KANK4: variants seen among roughly 807,000 people sequenced by gnomAD.
KANK4 encodes KN motif and ankyrin repeat domain-containing protein 4.
Under a neutral mutation model 80.8 loss-of-function variants are expected in KANK4, and 50 were observed. That is an observed-to-expected ratio of 0.62 (90% CI 0.49 to 0.78). The LOEUF (loss-of-function observed/expected upper bound fraction) is 0.78. Ranked by LOEUF, KANK4 falls within the 30% of genes least tolerant of loss-of-function variation. The pLI is 0.00. For synonymous variants in KANK4, 465 were observed against 506.9 expected, an observed-to-expected ratio of 0.92 and a Z score of 1.11; for missense variants, 1,196 against 1,240.1, an observed-to-expected ratio of 0.96 and a Z score of 0.53.
At chr1:62,311,087 A>G (rs896131905) in intron 1 of KANK4, among the ~76,000 whole-genome samples, 1 of 152,132 alleles carries the variant, frequency 6.6e-6, no homozygotes, top group Non-Finnish European at 1.5e-5. Flanking sequence ...ATTGGGGAAG[A>G]TGAGGATGGA....
intron 1 of KANK4, among the ~76,000 whole-genome samples, chr1:62,296,784 C>A (rs1356219364): frequency 6.6e-6 from 1 of 151,988 alleles, no homozygotes; most frequent in Non-Finnish European, 1.5e-5. Flanking sequence ...AAGTGATCTA[C>A]CCGCCTTGGC....
In KANK4 at chr1:62,273,327, C is replaced by T. The variant is rs1437448731; in HGVS notation, c.1777G>A (p.Ala593Thr). ...PELASAIKQP[A>T]SKLSSIQSQL... ...CTCTGGATGCTGCTGAGCTTGGAGG[C>T]TGGCTGCTTGATGGCGCTGGCCAGC... is the stretch of plus-strand genomic sequence containing the variant. Residue 593 changes from alanine to threonine, a missense_variant, in exon 3 of 10, where the codon GCC (alanine) becomes ACC (threonine). Coordinates refer to ENST00000371153, the MANE Select transcript of KANK4 (RefSeq NM_181712.5). The T allele has an allele frequency of 2.5e-6, 4 of 1,607,764 alleles. No homozygotes were observed. The highest frequency in any genetic ancestry group is 3.4e-6 in the Non-Finnish European group (4 of 1,175,394).
intron 4 of KANK4, among the ~76,000 whole-genome samples, chr1:62,271,065 C>T (rs1315682173): frequency 9.2e-5 from 14 of 152,088 alleles, no homozygotes; most frequent in Non-Finnish European, 1.6e-4. Context: ...TCTTCATCCC[C>T]AAACACTTGG....
At chr1:62,289,849 T>G (rs1347177178) in intron 1 of KANK4, among the ~76,000 whole-genome samples, 2 of 152,224 alleles carry the variant, frequency 1.3e-5, no homozygotes, top group African/African-American at 4.8e-5. Flanking sequence ...TATAGTGGAC[T>G]TGTAGCCTGG....
rs752783751 is a variant in KANK4 at position 62,238,304 on chromosome 1, C to T, written c.2961G>A (p.Ala987=). 3.1e-5 allele frequency: 50 copies of T among 1,613,770 alleles called. No individual in the cohort carries two copies. Among genetic ancestry groups the T allele is most frequent in the Middle Eastern group, 1.6e-4 (1 of 6,072 alleles). ...ACAGCCCCAGGGACCTGCCCTGCTC[C>T]GCGTGGGCTCTCAGAAGCCCAGCAA... is the stretch of plus-strand genomic sequence containing the variant. ...MEIAGLLRAH[A]EQGRSLGL The change falls in exon 10 of 10, where the codon GCG becomes GCA. Residue 987 remains alanine, a synonymous_variant. Coordinates refer to ENST00000371153, the MANE Select transcript of KANK4 (RefSeq NM_181712.5).
chr1:62,283,111 A>G (rs1672486899), intron 1 of KANK4, among the ~76,000 whole-genome samples: 1 of 152,176 alleles, frequency 6.6e-6, no homozygotes, highest in Non-Finnish European at 1.5e-5. Context: ...CCAGCTCTGC[A>G]GTCTGCAGCA....
chr1:62,249,091 G>A (rs1200275837), intron 8 of KANK4, among the ~76,000 whole-genome samples: 1 of 149,156 alleles, frequency 6.7e-6, no homozygotes, highest in East Asian at 2.0e-4. Flanking sequence ...CTTGAACCCG[G>A]GAGGCAGAGG....
rs373522499 is a variant in KANK4, at chr1:62,242,057, G to A, written c.2884-3676C>T. 2.6e-5 allele frequency among the ~76,000 whole-genome samples: 4 copies of A among 152,130 alleles called. No homozygotes were observed. The East Asian group carries it at 7.7e-4, about 29-fold the overall frequency. On this transcript the variant is annotated intron_variant, in intron 9 of 9. Transcript: ENST00000371153. ...GCCTCTGCCAGAACTCTGGGAACAAGCCCATGCCATGCAGCTCCCATGGGA... is the reference window on the plus strand; with the variant it reads ...GCCTCTGCCAGAACTCTGGGAACAAACCCATGCCATGCAGCTCCCATGGGA...
intron 7 of KANK4, among the ~76,000 whole-genome samples, chr1:62,255,441 C>G (rs944169043): frequency 6.6e-6 from 1 of 151,860 alleles, no homozygotes; most frequent in Non-Finnish European, 1.5e-5. Flanking sequence ...TAGGGTCTTG[C>G]TCTGTTGCCC....
At position 62,273,511 on chromosome 1, in the gene KANK4, G is replaced by A; in HGVS notation, c.1593C>T (p.Pro531=). Residue 531 remains proline, a synonymous_variant, in exon 3 of 10, where the codon CCC becomes CCT. Coordinates refer to ENST00000371153, the MANE Select transcript of KANK4 (RefSeq NM_181712.5). ...AACTGGTCTCCTCCCTCCCTGCTGGGGGAGTCTTTCTGTCGCTGCCCCACA... is the reference window on the plus strand; with the variant it reads ...AACTGGTCTCCTCCCTCCCTGCTGGAGGAGTCTTTCTGTCGCTGCCCCACA... ...GFLWGSDRKT[P]PAGREETSSN... is the part of the protein sequence containing the mutation. 6.2e-7 allele frequency: 1 copy of A among 1,613,680 alleles called. No homozygotes were observed. Among genetic ancestry groups the A allele is most frequent in the Non-Finnish European group, 8.5e-7 (1 of 1,179,702 alleles).
At chr1:62,252,283 G>A (rs1359333704) in intron 8 of KANK4, among the ~76,000 whole-genome samples, 1 of 152,244 alleles carries the variant, frequency 6.6e-6, no homozygotes, top group Admixed American at 6.5e-5. Context: ...CATTTGTGTA[G>A]GGCCCTACTG....
In KANK4 at chr1:62,308,527, T is replaced by C. The variant is rs544194008; in HGVS notation, c.-71+10579A>G. On this transcript the variant is annotated intron_variant, in intron 1 of 9. Coordinates refer to ENST00000371153, the MANE Select transcript of KANK4 (RefSeq NM_181712.5). ...CTCCTGATCTCTCTCCTGGTCCAGG[T>C]TGGAGAGAACTATCCTGGTCTCAGG... Among the ~76,000 whole-genome samples, 394 of 152,176 alleles carry C rather than the reference T, an allele frequency of 2.6e-3. 1 individual carries two copies. Among genetic ancestry groups the C allele is most frequent in the Non-Finnish European group, 4.3e-3 (293 of 67,980 alleles).
chr1:62,302,701 C>T lies in KANK4; in HGVS notation c.-71+16405G>A, dbSNP rs564997566. Among the ~76,000 whole-genome samples, 137 of 152,216 alleles carry T rather than the reference C, an allele frequency of 9.0e-4. 1 individual carries two copies. Among genetic ancestry groups the T allele is most frequent in the African/African-American group, 3.0e-3 (126 of 41,574 alleles). On this transcript the variant is annotated intron_variant, in intron 1 of 9. Coordinates refer to ENST00000371153, the MANE Select transcript of KANK4 (RefSeq NM_181712.5). ...ACCAGGAAGAGGGTTGTCCCCCAGA[C>T]GTGGAATCTGCCAGCGCTTTGACCC...
At chr1:62,316,629 T>A (rs1356335568) in intron 1 of KANK4, among the ~76,000 whole-genome samples, 2 of 152,198 alleles carry the variant, frequency 1.3e-5, no homozygotes, top group Non-Finnish European at 2.9e-5. Context: ...TGTAATATTG[T>A]ATGCAAGATA....
chr1:62,314,631 C>T (rs763986159), intron 1 of KANK4, among the ~76,000 whole-genome samples: 1 of 149,702 alleles, frequency 6.7e-6, no homozygotes, highest in Non-Finnish European at 1.5e-5. Flanking sequence ...ATTAGAAATA[C>T]ATACCAAAGG....
At chr1:62,248,563 G>C (rs1387173371) in intron 8 of KANK4, among the ~76,000 whole-genome samples, 1 of 141,402 alleles carries the variant, frequency 7.1e-6, no homozygotes, top group Non-Finnish European at 1.5e-5. Context: ...TTTTTTTTGT[G>C]AGACAAAGTC....
Position 62,237,233 on chromosome 1 carries a change from T to C in KANK4, c.*1044A>G, listed in dbSNP as rs1671225394. On this transcript the variant is annotated 3_prime_UTR_variant, in exon 10 of 10. Coordinates refer to ENST00000371153, the MANE Select transcript of KANK4 (RefSeq NM_181712.5). ...CTGACCATATAAACCTTGCATGTGC[T>C]GGCCCCAGGGAATATGGAAGCTTCG... 1.3e-5 allele frequency: 2 copies of C among 151,642 alleles called. No individual in the cohort carries two copies. Among genetic ancestry groups the C allele is most frequent in the African/African-American group, 2.4e-5 (1 of 41,266 alleles). 9.4% of individuals were successfully genotyped at this position (151,642 alleles called of 1,614,324 possible).
rs575939682 is a variant in KANK4 at position 62,263,300 on chromosome 1, C to G, written c.2331G>C (p.Leu777Phe). 1.1e-5 allele frequency: 17 copies of G among 1,613,140 alleles called. No homozygotes were observed. The South Asian group carries it at 1.7e-4, about 16-fold the overall frequency. Residue 777 changes from leucine to phenylalanine, a missense_variant, in exon 7 of 10, where the codon TTG becomes TTC. By Grantham distance (22) the Leu-to-Phe change is conservative. Transcript: ENST00000371153. Reference sequence around the variant, plus strand: ...GGAACCACTCTTGACTGATGGTGTTCAAGCTTTGCCTCTGAAACCCCAAAA... The same window carrying G: ...GGAACCACTCTTGACTGATGGTGTTGAAGCTTTGCCTCTGAAACCCCAAAA... Reference protein sequence around the residue: ...TTTDQLLRQSLNTISQEWFRV... With the variant: ...TTTDQLLRQSFNTISQEWFRV...
chr1:62,271,708 C>T, intron 3 of KANK4, 119 bp from the exon 4 acceptor site: 2 of 696,530 alleles, frequency 2.9e-6, no homozygotes, highest in Admixed American at 2.2e-5. Context: ...TAAGGAGGGA[C>T]AGGGAACCAG....
Sources: allele counts gnomAD v4.1 joint callset (sites outside exome capture counted in the v4.1 genomes callset), GRCh38; gene constraint gnomAD v4.1.1; transcripts MANE v1.5; gene names NCBI Gene and HGNC (gene_info 2026-07-23, HGNC 2026-07-21).